The following HERC5 variants were observed in gnomAD, a reference collection of about 807,000 sequenced individuals.
The protein encoded by HERC5 is E3 ISG15--protein ligase HERC5.
HERC5 carries 99 observed loss-of-function variants against 119.6 expected under a neutral mutation model. The ratio of observed to expected loss-of-function variants is 0.83; its 90% CI spans 0.70 to 0.98. The LOEUF is 0.98. HERC5 is among the 50% of genes least tolerant of loss of function. HERC5 has a pLI of 0.00. For missense variants in HERC5, 1,267 were observed against 1,241.3 expected, an observed-to-expected ratio of 1.02 and a Z score of -0.31; for synonymous variants, 478 against 445.9, an observed-to-expected ratio of 1.07 and a Z score of -0.91.
rs1740189724 is a variant in HERC5 at position 88,457,380 on chromosome 4, C to A, written c.111C>A (p.Pro37=). ...CGGGCGCACAGCTCTGGCTCTTTCC[C>A]AGCGCCGCGGGCCTCCACCGCGCGC... is the stretch of plus-strand genomic sequence containing the variant. The part of the protein sequence containing the change: ...KSPGAQLWLF[P]SAAGLHRALL... The change falls in exon 1 of 23, where the codon CCC becomes CCA. Residue 37 remains proline (P), a synonymous_variant. Coordinates refer to ENST00000264350, the MANE Select transcript of HERC5 (RefSeq NM_016323.4). The A allele has an allele frequency of 1.4e-6, 2 of 1,417,528 alleles. No individual in the cohort carries two copies. The highest frequency in any genetic ancestry group is 1.8e-6 in the Non-Finnish European group (2 of 1,086,730). The allele number at this position is 1,417,528 out of a possible 1,614,324, so 87.8% of individuals were successfully genotyped here.
chr4:88,504,021 C>T (rs1335136827), intron 20 of HERC5, among the ~76,000 whole-genome samples: 2 of 151,420 alleles, frequency 1.3e-5, no homozygotes, highest in Admixed American at 6.6e-5. Context: ...AAGCTAAGAT[C>T]GCACCACTGC....
chr4:88,459,701 C>T (rs983887277), intron 2 of HERC5, among the ~76,000 whole-genome samples: 2 of 152,042 alleles, frequency 1.3e-5, no homozygotes, highest in African/African-American at 4.8e-5. Context: ...ATTGGACTTT[C>T]CTATTCATTA....
intron 13 of HERC5, among the ~76,000 whole-genome samples, chr4:88,480,493 C>T (rs1741245064): frequency 6.6e-6 from 1 of 150,616 alleles, no homozygotes; most frequent in Non-Finnish European, 1.5e-5. Context: ...AAACATGCTG[C>T]TATAAACATT....
chr4:88,486,360 C>T lies in HERC5; in HGVS notation c.1851+132C>T, dbSNP rs28517536. 557 of 552,714 alleles carry T rather than the reference C, an allele frequency of 1.0e-3. 1 individual carries two copies. The highest frequency in any genetic ancestry group is 5.3e-3 in the African/African-American group (275 of 52,206). 34.2% of individuals were successfully genotyped at this position (552,714 alleles called of 1,614,324 possible). A position where few individuals can be genotyped will look rare whatever the true frequency, so the allele number is the denominator to read the frequency against. On this transcript the variant is annotated intron_variant, in intron 14 of 22. Coordinates refer to ENST00000264350, the MANE Select transcript of HERC5 (RefSeq NM_016323.4). ...ACATTAAGACTCCTCAAAATCTATG[C>T]AATTTTGCAGTCAGAGTTCCAGCAG...
At chr4:88,504,148 G>A (rs1209060166) in intron 20 of HERC5, 84 bp from the exon 21 acceptor site, 17 of 806,850 alleles carry the variant, frequency 2.1e-5, no homozygotes, top group Non-Finnish European at 3.5e-5. Flanking sequence ...ATAACTGTTA[G>A]GTATTCTAGC....
chr4:88,458,076 T>C, intron 1 of HERC5: 1 of 985,610 alleles, frequency 1.0e-6, no homozygotes, highest in Non-Finnish European at 1.2e-6. Flanking sequence ...ATTTTGCGTT[T>C]AACTACTGGA....
At chr4:88,464,054 T>C (rs866281245) in intron 6 of HERC5, 69 bp downstream of exon 6, 1 of 1,327,362 alleles carries the variant, frequency 7.5e-7, no homozygotes, top group African/African-American at 1.5e-5. Context: ...TTTAATAAAA[T>C]TTCTTTCAGT....
intron 18 of HERC5, among the ~76,000 whole-genome samples, chr4:88,497,085 C>T (rs1418521055): frequency 6.6e-6 from 1 of 152,116 alleles, no homozygotes; most frequent in Non-Finnish European, 1.5e-5. Context: ...CCTCCAGAAC[C>T]GTGAGCAATA....
At chr4:88,499,852 G>C in intron 18 of HERC5, 74 bp from the exon 19 acceptor site, 1 of 1,032,820 alleles carries the variant, frequency 9.7e-7, no homozygotes, top group Non-Finnish European at 1.5e-6. Context: ...CTATACACTT[G>C]ACATTTATTT....
intron 12 of HERC5, 31 bp downstream of exon 12, chr4:88,476,061 T>C (rs775965383): frequency 6.4e-7 from 1 of 1,555,042 alleles, no homozygotes. Flanking sequence ...ATACTTTACC[T>C]GTCTTCTCAG....
At chr4:88,471,952 C>G (rs1204399887) in intron 10 of HERC5, among the ~76,000 whole-genome samples, 1 of 130,822 alleles carries the variant, frequency 7.6e-6, no homozygotes, top group Non-Finnish European at 1.6e-5. Flanking sequence ...CTTCTTTCCT[C>G]CCTCCCTCCC....
At chr4:88,462,902 A>G (rs749689788) in intron 4 of HERC5, among the ~76,000 whole-genome samples, 53 of 152,340 alleles carry the variant, frequency 3.5e-4, no homozygotes, top group Admixed American at 2.9e-3. Context: ...TCATGATCCC[A>G]AACAACTCAT....
intron 7 of HERC5, chr4:88,468,071 T>C (rs908190821): frequency 4.5e-6 from 1 of 220,022 alleles, no homozygotes; most frequent in East Asian, 1.1e-4. Flanking sequence ...AACATTTAGC[T>C]AATCAAATAT....
intron 1 of HERC5, among the ~76,000 whole-genome samples, chr4:88,458,845 A>T (rs1311466370): frequency 6.6e-6 from 1 of 152,220 alleles, no homozygotes; most frequent in African/African-American, 2.4e-5. Context: ...CTTTAAAGAT[A>T]GTCCCCCAAA....
At chr4:88,501,253 C>T (rs1741938477) in intron 20 of HERC5, among the ~76,000 whole-genome samples, 1 of 152,182 alleles carries the variant, frequency 6.6e-6, no homozygotes, top group South Asian at 2.1e-4. Flanking sequence ...TTTATCCACT[C>T]GTTCTGCTTT....
At chr4:88,498,644 C>T (rs1741866102) in intron 18 of HERC5, among the ~76,000 whole-genome samples, 3 of 152,180 alleles carry the variant, frequency 2.0e-5, no homozygotes, top group African/African-American at 7.2e-5. Flanking sequence ...AATCTGGGCT[C>T]ACTGCAACCT....
At position 88,467,310 on chromosome 4, in the gene HERC5, G is replaced by A; in HGVS notation, c.1057+106G>A. The A allele has an allele frequency of 5.2e-6, 6 of 1,151,738 alleles. No individual in the cohort carries two copies. In the South Asian group the frequency reaches 7.8e-5, roughly 15 times the overall value. 71.3% of individuals were successfully genotyped at this position (1,151,738 alleles called of 1,614,324 possible). On this transcript the variant is annotated intron_variant, in intron 7 of 22. Transcript: ENST00000264350. Reference sequence around the variant, plus strand: ...AAAGCAACATATGACTATGAAGGGAGTTTCTCTAAATACTGGTTTCATTTT... The same window carrying A: ...AAAGCAACATATGACTATGAAGGGAATTTCTCTAAATACTGGTTTCATTTT...
intron 18 of HERC5, among the ~76,000 whole-genome samples, chr4:88,498,801 C>T (rs956727668): frequency 2.6e-5 from 4 of 152,156 alleles, no homozygotes; most frequent in African/African-American, 9.7e-5. Context: ...AAACTCTTGA[C>T]CTCAAGTGAT....
rs768827469 is a variant in HERC5, at chr4:88,486,165, A to G, written c.1788A>G (p.Glu596=). ...QLPESIFQVD[E]LLHRLNFFVE... ...CTGAAAGTATTTTCCAAGTAGACGA[A>G]CTCTTGCACCGTCTCAATTTTTTTG... The change falls in exon 14 of 23, where the codon GAA becomes GAG. Residue 596 remains glutamate, a synonymous_variant. Transcript: ENST00000264350. 1.9e-6 allele frequency: 3 copies of G among 1,612,074 alleles called. No homozygotes were observed. Among genetic ancestry groups the G allele is most frequent in the Admixed American group, 3.3e-5 (2 of 59,866 alleles).
Sources: gnomAD v4.1 joint callset for allele counts (sites outside exome capture counted in the v4.1 genomes callset) on GRCh38, gnomAD v4.1.1 for gene constraint, MANE v1.5 for transcripts, NCBI Gene and HGNC (gene_info 2026-07-23, HGNC 2026-07-21) for gene names.